The following CDK14 variants were observed in gnomAD, a reference collection of about 807,000 sequenced individuals.
CDK14 encodes the protein cyclin dependent kinase 14, also known as cyclin-dependent kinase 14.
A neutral mutation model predicts 60.7 loss-of-function variants in CDK14; 34 were observed. That is an observed-to-expected ratio of 0.56 (90% confidence interval 0.43 to 0.75). The LOEUF (loss-of-function observed/expected upper bound fraction) is 0.75, where lower values mean the gene tolerates loss of function less well. CDK14 is among the 30% of genes least tolerant of loss of function. The probability of loss-of-function intolerance (pLI) is 0.00; values close to 1 mark genes in which losing one functional copy is unlikely to be tolerated. For missense variants in CDK14, 482 were observed against 564.1 expected, an observed-to-expected ratio of 0.85 and a Z score of 1.47; for synonymous variants, 197 against 203.7, an observed-to-expected ratio of 0.97 and a Z score of 0.28.
At chr7:90,887,328 A>T (rs1234315914) in intron 6 of CDK14, among the ~76,000 whole-genome samples, 2 of 152,166 alleles carry the variant, frequency 1.3e-5, no homozygotes, top group Non-Finnish European at 1.5e-5. Context: ...AAATAATTTA[A>T]AAATACAGTT....
At chr7:90,788,346 T>C (rs3729626) in intron 4 of CDK14, among the ~76,000 whole-genome samples, 31,192 of 152,070 alleles carry the variant, frequency 0.21, 3,338 homozygotes, top group South Asian at 0.24. Context: ...TCCTAAAAGA[T>C]GAAGTGAAGA....
At chr7:90,790,551 A>G in intron 4 of CDK14, 22 bp from the exon 5 acceptor site, 1 of 1,553,468 alleles carries the variant, frequency 6.4e-7, no homozygotes, top group Non-Finnish European at 8.8e-7. Flanking sequence ...TTATGAATTC[A>G]CTTATCTTTC....
intron 12 of CDK14, among the ~76,000 whole-genome samples, chr7:91,085,308 G>A (rs1010482002): frequency 2.6e-5 from 4 of 152,072 alleles, no homozygotes; most frequent in South Asian, 2.1e-4. Flanking sequence ...GGGGGGTATG[G>A]CTGAGGTCTC....
rs375618836 is a variant in CDK14 at position 90,861,680 on chromosome 7, T to A, written c.545-1495T>A. On this transcript the variant is annotated intron_variant, in intron 5 of 14. Coordinates refer to ENST00000380050, the MANE Select transcript of CDK14 (RefSeq NM_001287135.2). ...GAAAAGGGAGAAATTAAGGATCCTG[T>A]GGAAATGAAAAAGAAACAAGACAAC... 7.9e-5 allele frequency among the ~76,000 whole-genome samples: 12 copies of A among 152,146 alleles called. 1 individual carries two copies. In the South Asian group the frequency reaches 2.5e-3, roughly 32 times the overall value.
intron 2 of CDK14, among the ~76,000 whole-genome samples, chr7:90,640,438 A>G (rs1176545968): frequency 1.3e-5 from 2 of 152,170 alleles, no homozygotes; most frequent in African/African-American, 2.4e-5. Context: ...GATGCAGAGA[A>G]ATATGATGGA....
chr7:90,631,349 GC>G (rs1799993169), intron 2 of CDK14, among the ~76,000 whole-genome samples: 1 of 152,130 alleles, frequency 6.6e-6, no homozygotes, highest in Non-Finnish European at 1.5e-5. Context: ...TGCTTCACTT[GC>G]ATTTTCATTT....
At chr7:90,625,274 A>T (rs1584749670) in intron 2 of CDK14, among the ~76,000 whole-genome samples, 1 of 152,322 alleles carries the variant, frequency 6.6e-6, no homozygotes, top group East Asian at 1.9e-4. Context: ...CAGGAGTGCA[A>T]GGCCGAAGTG....
At chr7:90,634,889 A>G (rs1189618758) in intron 2 of CDK14, among the ~76,000 whole-genome samples, 6 of 152,032 alleles carry the variant, frequency 3.9e-5, no homozygotes, top group African/African-American at 1.2e-4. Context: ...GCCAGTGATG[A>G]TGAGCATTTT....
chr7:91,174,851 GT>G (rs1171256582), intron 14 of CDK14, among the ~76,000 whole-genome samples: 1 of 80,242 alleles, frequency 1.2e-5, no homozygotes, highest in Non-Finnish European at 2.3e-5. Flanking sequence ...TGAAAGTGAT[GT>G]GGAGAATGGA....
intron 2 of CDK14, among the ~76,000 whole-genome samples, chr7:90,615,354 CT>C (rs1460530446): frequency 2.6e-5 from 4 of 152,110 alleles, no homozygotes; most frequent in Non-Finnish European, 5.9e-5. Context: ...TCTGTGTGCT[CT>C]TTTGTGTTTT....
chr7:90,710,383 G>A, intron 2 of CDK14: 3 of 985,230 alleles, frequency 3.0e-6, no homozygotes, highest in East Asian at 1.1e-4. Context: ...AGTGAAGGAC[G>A]AGAGACTACT....
rs12055963 is a variant in CDK14 at position 90,887,540 on chromosome 7, A to C, written c.640-11751A>C. Among the ~76,000 whole-genome samples, 1,517 of 152,274 alleles carry C rather than the reference A, an allele frequency of 1.0e-2. 61 individuals carry two copies. Among genetic ancestry groups the C allele is most frequent in the Admixed American group, 0.074 (1,129 of 15,286 alleles). On this transcript the variant is annotated intron_variant, in intron 6 of 14. Transcript: ENST00000380050. Reference sequence around the variant, plus strand: ...AGCCAGGAAGATTTAGATATACTCTATTCGTAACATAAATTTATTTTTCAA... The same window carrying C: ...AGCCAGGAAGATTTAGATATACTCTCTTCGTAACATAAATTTATTTTTCAA...
chr7:91,080,455 C>T (rs1798454630), intron 12 of CDK14, among the ~76,000 whole-genome samples: 2 of 152,076 alleles, frequency 1.3e-5, no homozygotes, highest in Admixed American at 6.6e-5. Context: ...CCTCGAATAA[C>T]ACATAGGTAT....
At chr7:90,788,700 C>G (rs752578235) in intron 4 of CDK14, among the ~76,000 whole-genome samples, 4 of 152,108 alleles carry the variant, frequency 2.6e-5, no homozygotes, top group Non-Finnish European at 4.4e-5. Flanking sequence ...GGTTTTATGT[C>G]TATGGCAGTT....
intron 10 of CDK14, among the ~76,000 whole-genome samples, chr7:91,043,943 A>G (rs1023463295): frequency 2.6e-5 from 4 of 152,206 alleles, no homozygotes; most frequent in Non-Finnish European, 4.4e-5. Flanking sequence ...TGCATGAACA[A>G]TTTGAGCCCT....
At chr7:90,849,201 G>A (rs1790564752) in intron 5 of CDK14, among the ~76,000 whole-genome samples, 2 of 150,232 alleles carry the variant, frequency 1.3e-5, no homozygotes, top group Admixed American at 1.3e-4. Context: ...TTAAAAAGGA[G>A]CCTGATACCT....
At chr7:90,742,720 T>C (rs889443762) in intron 3 of CDK14, among the ~76,000 whole-genome samples, 1 of 152,044 alleles carries the variant, frequency 6.6e-6, no homozygotes, top group African/African-American at 2.4e-5. Flanking sequence ...CTGCATGCCA[T>C]AGGTCTTAAA....
chr7:91,002,499 G>GT (rs1223504598), intron 10 of CDK14, among the ~76,000 whole-genome samples: 4 of 152,154 alleles, frequency 2.6e-5, no homozygotes, highest in African/African-American at 9.7e-5. Flanking sequence ...TCCCACAGCA[G>GT]TTTTTTCCAT....
intron 10 of CDK14, among the ~76,000 whole-genome samples, chr7:91,027,546 C>T (rs1584244359): frequency 1.3e-5 from 2 of 152,030 alleles, no homozygotes; most frequent in East Asian, 3.9e-4. Flanking sequence ...TGATTCTTGA[C>T]CCACAAGCTT....
Sources: allele counts gnomAD v4.1 joint callset (sites outside exome capture counted in the v4.1 genomes callset), GRCh38; gene constraint gnomAD v4.1.1; transcripts MANE v1.5; gene names NCBI Gene and HGNC (gene_info 2026-07-23, HGNC 2026-07-21).